The following CTNNA3 variants were observed in gnomAD, a reference collection of about 807,000 sequenced individuals.
The protein encoded by CTNNA3 is catenin alpha 3.
A neutral mutation model predicts 95.7 loss-of-function variants in CTNNA3; 76 were observed. The ratio of observed to expected loss-of-function variants is 0.79; its 90% CI spans 0.66 to 0.96. The LOEUF (loss-of-function observed/expected upper bound fraction) is 0.96. Among genes scored for constraint, CTNNA3 ranks in the 40% least tolerant of loss-of-function variants. CTNNA3 has a pLI of 0.00. For synonymous variants in CTNNA3, 431 were observed against 374.4 expected, an observed-to-expected ratio of 1.15 and a Z score of -1.74; for missense variants, 1,191 against 1,089.8, an observed-to-expected ratio of 1.09 and a Z score of -1.31.
At chr10:66,679,903 C>A (rs914543631) in intron 9 of CTNNA3, among the ~76,000 whole-genome samples, 2 of 152,098 alleles carry the variant, frequency 1.3e-5, no homozygotes. Context: ...AAAAGTAAAC[C>A]AATTTCTCCA....
intron 12 of CTNNA3, among the ~76,000 whole-genome samples, chr10:66,366,937 C>T (rs4300297): frequency 0.18 from 26,703 of 151,920 alleles, 2,694 homozygotes; most frequent in East Asian, 0.49. Context: ...CAGTTACAGA[C>T]GGTGTTGGAT....
chr10:67,553,215 A>G lies in CTNNA3; in HGVS notation c.293-13546T>C, dbSNP rs1418807012. Among the ~76,000 whole-genome samples the G allele has an allele frequency of 9.2e-5, 14 of 152,186 alleles. 1 individual carries two copies. On this transcript the variant is annotated intron_variant, in intron 3 of 17. Coordinates refer to ENST00000433211, the MANE Select transcript of CTNNA3 (RefSeq NM_013266.4). The stretch of plus-strand genomic sequence containing the variant: ...TCCTTTCTCTCCATAATAGACCCTC[A>G]GGCACTTAGACACACTAGCTCCTAA...
chr10:67,204,723 T>C (rs889415473), intron 6 of CTNNA3, among the ~76,000 whole-genome samples: 2 of 152,112 alleles, frequency 1.3e-5, no homozygotes, highest in Non-Finnish European at 2.9e-5. Flanking sequence ...GACCACAGCA[T>C]TGCAATAAAG....
At chr10:67,312,707 A>G (rs1188708455) in intron 5 of CTNNA3, among the ~76,000 whole-genome samples, 2 of 152,224 alleles carry the variant, frequency 1.3e-5, no homozygotes, top group African/African-American at 4.8e-5. Flanking sequence ...CCTGGACCGT[A>G]ACAATTTTCT....
intron 5 of CTNNA3, among the ~76,000 whole-genome samples, chr10:67,303,942 T>C (rs1456832837): frequency 6.6e-6 from 1 of 152,184 alleles, no homozygotes; most frequent in Non-Finnish European, 1.5e-5. Context: ...ACTGACTTAC[T>C]TAATTCCTTT....
rs1322901100 is a variant in CTNNA3, at chr10:66,980,537, A to ATGGGAAC, written c.1047+199779_1047+199780insGTTCCCA. On this transcript the variant is annotated intron_variant, in intron 7 of 17. Coordinates refer to ENST00000433211, the MANE Select transcript of CTNNA3 (RefSeq NM_013266.4). ...TTTCCCAAGCAAAAATCAGAATTGAACAGGAACCAAAACTATTGAGACCTT... is the reference window on the plus strand; with the variant it reads ...TTTCCCAAGCAAAAATCAGAATTGAATGGGAACCAGGAACCAAAACTATTGAGACCTT... Among the ~76,000 whole-genome samples the ATGGGAAC allele has an allele frequency of 6.0e-3, 802 of 133,764 alleles. 6 individuals are homozygous for ATGGGAAC. Among genetic ancestry groups the ATGGGAAC allele is most frequent in the Non-Finnish European group, 7.2e-3 (437 of 60,556 alleles). The allele number at this position is 133,764 out of a possible 152,430, so 87.8% of individuals were successfully genotyped here.
chr10:67,588,473 T>C (rs1842699835), intron 3 of CTNNA3, among the ~76,000 whole-genome samples: 1 of 152,116 alleles, frequency 6.6e-6, no homozygotes, highest in African/African-American at 2.4e-5. Context: ...CTTAGTGGTA[T>C]CTGCGGTTTC....
intron 7 of CTNNA3, among the ~76,000 whole-genome samples, chr10:66,908,011 C>T (rs963451305): frequency 6.6e-6 from 1 of 152,164 alleles, no homozygotes; most frequent in Admixed American, 6.5e-5. Context: ...GGCTTCACTA[C>T]ACATAGCACA....
At chr10:67,000,312 A>T (rs1851603781) in intron 7 of CTNNA3, among the ~76,000 whole-genome samples, 1 of 152,216 alleles carries the variant, frequency 6.6e-6, no homozygotes, top group Admixed American at 6.5e-5. Context: ...TGAGGTAAGA[A>T]AAGGCTGCCC....
At chr10:66,415,056 C>T (rs1291644257) in intron 11 of CTNNA3, among the ~76,000 whole-genome samples, 2 of 152,140 alleles carry the variant, frequency 1.3e-5, no homozygotes, top group Non-Finnish European at 2.9e-5. Context: ...TGGTACCACC[C>T]TCAACCCCCA....
intron 13 of CTNNA3, among the ~76,000 whole-genome samples, chr10:66,223,478 A>G (rs1323003070): frequency 6.6e-6 from 1 of 152,178 alleles, no homozygotes; most frequent in Non-Finnish European, 1.5e-5. Context: ...TATTCACACT[A>G]AATAGGATTT....
chr10:66,119,783 A>C (rs942002520), intron 13 of CTNNA3, among the ~76,000 whole-genome samples: 18 of 152,132 alleles, frequency 1.2e-4, no homozygotes, highest in Non-Finnish European at 2.4e-4. Flanking sequence ...AATATGCCAG[A>C]TACTGTGGTA....
intron 2 of CTNNA3, among the ~76,000 whole-genome samples, chr10:67,625,400 GAA>G (rs2133422101): frequency 6.6e-6 from 1 of 152,200 alleles, no homozygotes; most frequent in East Asian, 1.9e-4. Context: ...GACTTTTTCT[GAA>G]AGTGAATTTT....
At chr10:67,108,466 A>C (rs1858765899) in intron 7 of CTNNA3, among the ~76,000 whole-genome samples, 1 of 152,164 alleles carries the variant, frequency 6.6e-6, no homozygotes, top group Non-Finnish European at 1.5e-5. Context: ...TTTAATTCAA[A>C]TCAATAAAAT....
At chr10:66,774,904 GA>G (rs1431127941) in intron 8 of CTNNA3, among the ~76,000 whole-genome samples, 4 of 152,216 alleles carry the variant, frequency 2.6e-5, no homozygotes, top group African/African-American at 9.6e-5. Context: ...AGGTTAAAAA[GA>G]AGGCTTAACT....
chr10:67,594,436 T>C (rs1165922051), intron 3 of CTNNA3, among the ~76,000 whole-genome samples: 1 of 152,192 alleles, frequency 6.6e-6, no homozygotes, highest in African/African-American at 2.4e-5. Flanking sequence ...TCAGAACTCA[T>C]TACTGATCTG....
At chr10:67,412,978 A>C (rs1374014407) in intron 5 of CTNNA3, among the ~76,000 whole-genome samples, 1 of 152,144 alleles carries the variant, frequency 6.6e-6, no homozygotes, top group Non-Finnish European at 1.5e-5. Flanking sequence ...TGATAGAATC[A>C]AAATCACATA....
chr10:66,907,117 C>T (rs1435639147), intron 7 of CTNNA3, among the ~76,000 whole-genome samples: 1 of 152,152 alleles, frequency 6.6e-6, no homozygotes, highest in Non-Finnish European at 1.5e-5. Flanking sequence ...AAATGTATCT[C>T]TGTTCATTCT....
At chr10:66,456,620 G>T (rs1028866480) in intron 11 of CTNNA3, among the ~76,000 whole-genome samples, 1 of 152,002 alleles carries the variant, frequency 6.6e-6, no homozygotes, top group African/African-American at 2.4e-5. Flanking sequence ...AAGTTGTGGT[G>T]AGCCTAGATC....
Sources: allele counts gnomAD v4.1 joint callset (sites outside exome capture counted in the v4.1 genomes callset), GRCh38; gene constraint gnomAD v4.1.1; transcripts MANE v1.5; gene names NCBI Gene and HGNC (gene_info 2026-07-23, HGNC 2026-07-21).